CENPF: variants seen among roughly 807,000 people sequenced by gnomAD.
CENPF encodes the protein AH antigen.
A neutral mutation model predicts 307.3 loss-of-function variants in CENPF; 214 were observed. That is an observed-to-expected ratio of 0.70 (90% confidence interval 0.62 to 0.78). The LOEUF is 0.78. CENPF is among the 30% of genes least tolerant of loss of function. The pLI is 0.00. For synonymous variants in CENPF, 1,259 were observed against 1,270.6 expected, an observed-to-expected ratio of 0.99 and a Z score of 0.19; for missense variants, 3,401 against 3,483.9, an observed-to-expected ratio of 0.98 and a Z score of 0.60.
chr1:214,605,295 A>T (rs1656991516), intron 1 of CENPF, among the ~76,000 whole-genome samples: 1 of 152,242 alleles, frequency 6.6e-6, no homozygotes, highest in Admixed American at 6.5e-5. Flanking sequence ...AAAGCTTACC[A>T]GGAAAGCTTA....
Position 214,659,471 on chromosome 1 carries a change from A to G in CENPF, c.9141+443A>G, listed in dbSNP as rs985825589. Among the ~76,000 whole-genome samples, 1 of 151,846 alleles carries G rather than the reference A, an allele frequency of 6.6e-6. No homozygotes were observed. Among genetic ancestry groups the G allele is most frequent in the African/African-American group, 2.4e-5 (1 of 41,334 alleles). ...TAAAAAAAAAAAAAGCACATATTTC[A>G]ATAGATATCTAAGGAAAGGAACTCT... On this transcript the variant is annotated intron_variant, in intron 19 of 19. Coordinates refer to ENST00000366955, the MANE Select transcript of CENPF (RefSeq NM_016343.4). This position sits in a 1 kb window ranked among gnomAD's most constrained non-coding sequence, Gnocchi z 4.4.
At chr1:214,611,916 T>G (rs1657210948) in intron 1 of CENPF, among the ~76,000 whole-genome samples, 1 of 152,224 alleles carries the variant, frequency 6.6e-6, no homozygotes. Context: ...TAGGATCATG[T>G]TGTCTGCAAA....
chr1:214,621,070 C>G, intron 6 of CENPF, 124 bp downstream of exon 6: 2 of 790,116 alleles, frequency 2.5e-6, no homozygotes, highest in East Asian at 2.5e-5. Flanking sequence ...GTTCAACATC[C>G]TAGACTGGTT....
intron 8 of CENPF, 109 bp downstream of exon 8, chr1:214,629,280 T>C: frequency 9.1e-7 from 1 of 1,096,834 alleles, no homozygotes; most frequent in Non-Finnish European, 1.3e-6. Context: ...GAAATTCTCT[T>C]AGAGGAGAAA....
chr1:214,642,344 G>T lies in CENPF; in HGVS notation c.4006G>T (p.Ala1336Ser). Residue 1336 changes from alanine (A) to serine (S), a missense_variant, in exon 12 of 20, where the codon GCA becomes TCA. Transcript: ENST00000366955. ...SECITATRKMAEEVGKLLNEV... is the reference protein window; with the variant it reads ...SECITATRKMSEEVGKLLNEV... ...ATGTATCACAGCAACTAGGAAAATGGCAGAAGAGGTAGGGAAACTACTAAA... is the reference window on the plus strand; with the variant it reads ...ATGTATCACAGCAACTAGGAAAATGTCAGAAGAGGTAGGGAAACTACTAAA... The T allele has an allele frequency of 6.2e-7, 1 of 1,613,578 alleles. No homozygotes were observed. Among genetic ancestry groups the T allele is most frequent in the Non-Finnish European group, 8.5e-7 (1 of 1,179,866 alleles).
At chr1:214,643,771 CT>C (rs1309583316) in intron 12 of CENPF, among the ~76,000 whole-genome samples, 1 of 152,074 alleles carries the variant, frequency 6.6e-6, no homozygotes, top group African/African-American at 2.4e-5. Flanking sequence ...ACAGCAGATT[CT>C]TTATGTATTA....
In CENPF at chr1:214,608,597, C is replaced by A; in HGVS notation, c.-41-5117C>A. On this transcript the variant is annotated intron_variant, in intron 1 of 19. Coordinates refer to ENST00000366955, the MANE Select transcript of CENPF (RefSeq NM_016343.4). ...GGGAAGACCTCAATGGTGTCCAGCT[C>A]GCGCTGGCTGTACTGGAAGTCGGCG... 3.1e-6 allele frequency: 5 copies of A among 1,608,862 alleles called. No individual in the cohort carries two copies. The South Asian group carries it at 5.5e-5, about 18-fold the overall frequency.
rs371330347 is a variant in CENPF at position 214,646,859 on chromosome 1, T to C, written c.7289T>C (p.Val2430Ala). Residue 2430 changes from valine to alanine, a missense_variant, in exon 13 of 20, where the codon GTA becomes GCA. Physicochemically the swap from Val to Ala is moderately conservative, Grantham distance 64 (BLOSUM62 0). Transcript: ENST00000366955. ...NILQEKEQEK[V>A]QMKEKSSTAM... is the part of the protein sequence containing the mutation. Reference sequence around the variant, plus strand: ...TTGCAAGAAAAAGAGCAAGAGAAAGTACAGATGAAAGAAAAATCAAGCACT... The same window carrying C: ...TTGCAAGAAAAAGAGCAAGAGAAAGCACAGATGAAAGAAAAATCAAGCACT... The C allele has an allele frequency of 6.2e-7, 1 of 1,613,104 alleles. No homozygotes were observed. The highest frequency in any genetic ancestry group is 8.5e-7 in the Non-Finnish European group (1 of 1,179,708).
chr1:214,646,526 G>A lies in CENPF; in HGVS notation c.6956G>A (p.Cys2319Tyr), dbSNP rs1165837120. The change falls in exon 13 of 20, where the codon TGT becomes TAT. Residue 2319 changes from cysteine to tyrosine, a missense_variant. Physicochemically the swap from Cys to Tyr is radical, Grantham distance 194. Transcript: ENST00000366955. ...GAAGCTGATGAAAAGAAGCAGCTCT[G>A]TGTCTTACAACAACTGAAGGAAAGT... ...RLEADEKKQLCVLQQLKESEH... is the reference protein window; with the variant it reads ...RLEADEKKQLYVLQQLKESEH... 1.2e-6 allele frequency: 2 copies of A among 1,614,126 alleles called. No individual in the cohort carries two copies. Among genetic ancestry groups the A allele is most frequent in the African/African-American group, 1.3e-5 (1 of 75,042 alleles).
chr1:214,657,317 G>C lies in CENPF; in HGVS notation c.8870G>C (p.Ser2957Thr), dbSNP rs535048931. ...PATPESFSKK[S>T]KKAVMSGIHP... is the part of the protein sequence containing the mutation. ...ACCCCAGAGAGCTTTTCTAAAAAAA[G>C]CAAGAAAGCAGTCATGAGTGGTATT... Residue 2957 changes from serine to threonine, a missense_variant, in exon 18 of 20, where the codon AGC (serine) becomes ACC (threonine). Ser to Thr is a moderately conservative substitution (Grantham distance 58, BLOSUM62 1). Coordinates refer to ENST00000366955, the MANE Select transcript of CENPF (RefSeq NM_016343.4). 5.0e-6 allele frequency: 8 copies of C among 1,613,962 alleles called. No homozygotes were observed. In the African/African-American group the frequency reaches 8.0e-5, roughly 16 times the overall value.
chr1:214,638,547 G>C (rs2102556004), intron 11 of CENPF, among the ~76,000 whole-genome samples: 1 of 152,290 alleles, frequency 6.6e-6, no homozygotes, highest in East Asian at 1.9e-4. Flanking sequence ...TTGTATGTTT[G>C]TGCCGGATGT....
chr1:214,609,985 C>G (rs752642971), intron 1 of CENPF, among the ~76,000 whole-genome samples: 1 of 148,236 alleles, frequency 6.7e-6, no homozygotes, highest in Non-Finnish European at 1.5e-5. Flanking sequence ...CTATTGTGAA[C>G]AGTGCTGCAA....
Position 214,620,798 on chromosome 1 carries a change from A to G in CENPF, c.717A>G (p.Arg239=), listed in dbSNP as rs753743812. The part of the protein sequence containing the change: ...SSNSQRTPIR[R]DFSASYFSGE... ...ATTCTCAAAGAACTCCAATTAGGAG[A>G]GATTTCTCTGCATCTTACTTTTCTG... Residue 239 remains arginine, a synonymous_variant, in exon 6 of 20, where the codon AGA becomes AGG. Coordinates refer to ENST00000366955, the MANE Select transcript of CENPF (RefSeq NM_016343.4). The G allele has an allele frequency of 3.1e-6, 5 of 1,614,164 alleles. No homozygotes were observed. The highest frequency in any genetic ancestry group is 4.2e-6 in the Non-Finnish European group (5 of 1,180,020).
chr1:214,629,119 C>A lies in CENPF; in HGVS notation c.1142C>A (p.Ala381Asp). 1 of 1,610,110 alleles carries A rather than the reference C, an allele frequency of 6.2e-7. No homozygotes were observed. Among genetic ancestry groups the A allele is most frequent in the Middle Eastern group, 1.7e-4 (1 of 6,046 alleles). The change falls in exon 8 of 20, where the codon GCC (alanine) becomes GAC (aspartate). Residue 381 changes from alanine (A) to aspartate (D), a missense_variant. Coordinates refer to ENST00000366955, the MANE Select transcript of CENPF (RefSeq NM_016343.4). ...LSCQRQNAESARCSLEQKIKE... is the reference protein window; with the variant it reads ...LSCQRQNAESDRCSLEQKIKE... Reference sequence around the variant, plus strand: ...TGTCAGCGACAAAATGCAGAAAGTGCCAGATGTTCTCTGGAACAGAAAATT... The same window carrying A: ...TGTCAGCGACAAAATGCAGAAAGTGACAGATGTTCTCTGGAACAGAAAATT...
At chr1:214,652,536 T>C (rs1384360328) in intron 15 of CENPF, among the ~76,000 whole-genome samples, 5 of 147,896 alleles carry the variant, frequency 3.4e-5, no homozygotes, top group Admixed American at 1.4e-4. Flanking sequence ...CTCTGCCTCC[T>C]GGGTTCAAGC....
At chr1:214,608,707 G>C in intron 1 of CENPF, 1 of 1,594,984 alleles carries the variant, frequency 6.3e-7, no homozygotes, top group Non-Finnish European at 8.5e-7. Context: ...GGCCCCACCA[G>C]GCCCCGGCTC....
At chr1:214,629,008 A>G in intron 7 of CENPF, 38 bp from the exon 8 acceptor site, 1 of 1,440,940 alleles carries the variant, frequency 6.9e-7, no homozygotes, top group Non-Finnish European at 9.4e-7. Context: ...TATGTGAGTA[A>G]TATTTATTTT....
chr1:214,642,282 A>T lies in CENPF; in HGVS notation c.3944A>T (p.Tyr1315Phe). ...KICEILQAEK[Y>F]ELVTELNDSR... is the part of the protein sequence containing the mutation. ...TGTGAAATACTGCAGGCTGAAAAGT[A>T]TGAACTCGTAACTGAGCTGAATGAT... Residue 1315 changes from tyrosine (Y) to phenylalanine (F), a missense_variant, in exon 12 of 20, where the codon TAT (tyrosine) becomes TTT (phenylalanine). Transcript: ENST00000366955. 6.2e-7 allele frequency: 1 copy of T among 1,613,762 alleles called. No individual in the cohort carries two copies. The highest frequency in any genetic ancestry group is 8.5e-7 in the Non-Finnish European group (1 of 1,179,902).
At chr1:214,614,641 A>T (rs1657287400) in intron 2 of CENPF, among the ~76,000 whole-genome samples, 191 bp from the exon 3 acceptor site, 1 of 152,186 alleles carries the variant, frequency 6.6e-6, no homozygotes, top group Non-Finnish European at 1.5e-5. Flanking sequence ...AAGATGATAT[A>T]CTACATGGCT....
Sources: allele counts gnomAD v4.1 joint callset (sites outside exome capture counted in the v4.1 genomes callset), GRCh38; gene constraint gnomAD v4.1.1; non-coding constraint Gnocchi (gnomAD v3.1); transcripts MANE v1.5; gene names NCBI Gene and HGNC (gene_info 2026-07-23, HGNC 2026-07-21).